USP46: variants seen among roughly 807,000 people sequenced by gnomAD.
USP46 encodes ubiquitin carboxyl-terminal hydrolase 46.
USP46 carries 12 observed loss-of-function variants against 44.4 expected under a neutral mutation model. The ratio of observed to expected loss-of-function variants is 0.27; its 90% CI spans 0.17 to 0.44. The LOEUF is 0.44. USP46 is among the 20% of genes least tolerant of loss of function. The pLI is 1.00. For synonymous variants in USP46, 155 were observed against 161.5 expected, an observed-to-expected ratio of 0.96 and a Z score of 0.31; for missense variants, 248 against 444.8, an observed-to-expected ratio of 0.56 and a Z score of 3.98.
chr4:52,658,537 C>T (rs969892201), intron 1 of USP46, among the ~76,000 whole-genome samples: 4 of 152,208 alleles, frequency 2.6e-5, no homozygotes, highest in African/African-American at 9.6e-5. Flanking sequence ...CTGAGGCATG[C>T]GGAGCAAATT....
intron 5 of USP46, among the ~76,000 whole-genome samples, chr4:52,607,862 G>A (rs1048597503): frequency 6.6e-6 from 1 of 152,196 alleles, no homozygotes; most frequent in African/African-American, 2.4e-5. Context: ...CCAAGCAGAT[G>A]CCAGCACCAA....
intron 4 of USP46, among the ~76,000 whole-genome samples, chr4:52,611,896 A>T (rs1716945751): frequency 6.6e-6 from 1 of 152,122 alleles, no homozygotes; most frequent in African/African-American, 2.4e-5. Flanking sequence ...TCTCAAAAAA[A>T]AAAGTACACA....
intron 6 of USP46, among the ~76,000 whole-genome samples, chr4:52,602,541 C>G (rs1199375323): frequency 6.6e-6 from 1 of 152,152 alleles, no homozygotes. Context: ...ATCGGGACAC[C>G]AAGCGTGCCA....
At chr4:52,634,123 T>TC (rs1328609030) in intron 1 of USP46, among the ~76,000 whole-genome samples, 1 of 151,812 alleles carries the variant, frequency 6.6e-6, no homozygotes, top group East Asian at 1.9e-4. Context: ...TTTTTTCTTT[T>TC]TTTTTTTTTG....
At chr4:52,644,575 T>C (rs1718468126) in intron 1 of USP46, among the ~76,000 whole-genome samples, 1 of 151,936 alleles carries the variant, frequency 6.6e-6, no homozygotes. Context: ...GGGATCTAGG[T>C]TGCATACTCC....
Position 52,595,218 on chromosome 4 carries a change from G to A in USP46, c.*2422C>T. 6.6e-6 allele frequency: 1 copy of A among 152,528 alleles called. No individual in the cohort carries two copies. The highest frequency in any genetic ancestry group is 2.1e-4 in the South Asian group (1 of 4,822). 9.4% of individuals were successfully genotyped at this position (152,528 alleles called of 1,614,324 possible). On this transcript the variant is annotated 3_prime_UTR_variant, in exon 9 of 9. Transcript: ENST00000441222. ...TCTCACATCTCCCACACCATTTCCTGCTTTACACTGTGAATGAGGGATGTA... is the reference window on the plus strand; with the variant it reads ...TCTCACATCTCCCACACCATTTCCTACTTTACACTGTGAATGAGGGATGTA...
rs551024210 is a variant in USP46, at chr4:52,631,039, A to T, written c.117+25T>A. On this transcript the variant is annotated intron_variant, in intron 2 of 8. Transcript: ENST00000441222. ...TTCATATACCCTAAAACATTTGATGAAAATAATACATTTTACATACTTACA... is the reference window on the plus strand; with the variant it reads ...TTCATATACCCTAAAACATTTGATGTAAATAATACATTTTACATACTTACA... The T allele has an allele frequency of 5.8e-6, 9 of 1,541,944 alleles. No homozygotes were observed. The East Asian group carries it at 2.2e-4, about 37-fold the overall frequency.
At chr4:52,632,083 G>T (rs1382699966) in intron 1 of USP46, among the ~76,000 whole-genome samples, 1 of 151,926 alleles carries the variant, frequency 6.6e-6, no homozygotes, top group East Asian at 1.9e-4. Context: ...GGTAAGTGAG[G>T]TAAGTACTAC....
intron 1 of USP46, 112 bp from the exon 2 acceptor site, chr4:52,631,256 T>C (rs1050565116): frequency 1.3e-6 from 1 of 746,108 alleles, no homozygotes; most frequent in Non-Finnish European, 2.1e-6. Context: ...CAACACGGTA[T>C]TTGTTGATGT....
rs573684437 is a variant in USP46, at chr4:52,623,906, C to T, written c.561+2112G>A. ...CTGTACTCCAGCCTAGGCAGCAGAG[C>T]GAGATTCTGTTTCAAAAAAAATTAA... is the stretch of plus-strand genomic sequence containing the variant. On this transcript the variant is annotated intron_variant, in intron 4 of 8. Transcript: ENST00000441222. Among the ~76,000 whole-genome samples the T allele has an allele frequency of 3.3e-5, 5 of 151,556 alleles. No homozygotes were observed. The East Asian group carries it at 7.7e-4, about 23-fold the overall frequency.
chr4:52,634,680 C>T (rs942743113), intron 1 of USP46, among the ~76,000 whole-genome samples: 1 of 152,100 alleles, frequency 6.6e-6, no homozygotes, highest in African/African-American at 2.4e-5. Flanking sequence ...CTGCCTCGGC[C>T]TCCCAAAGTG....
intron 1 of USP46, among the ~76,000 whole-genome samples, chr4:52,649,656 C>T (rs1459931606): frequency 6.6e-6 from 1 of 152,228 alleles, no homozygotes; most frequent in Non-Finnish European, 1.5e-5. Flanking sequence ...AAATTGGAGG[C>T]ATACTGCTTT....
At chr4:52,632,474 T>A (rs952204541) in intron 1 of USP46, among the ~76,000 whole-genome samples, 4 of 152,148 alleles carry the variant, frequency 2.6e-5, no homozygotes, top group African/African-American at 9.7e-5. Flanking sequence ...CATGGAAGAC[T>A]AACAGCTCAC....
intron 1 of USP46, chr4:52,658,097 G>A (rs1560417249): frequency 4.8e-6 from 2 of 414,324 alleles, no homozygotes; most frequent in Non-Finnish European, 9.8e-6. Context: ...GTTGCCTCCG[G>A]GGACCCGCTT....
At chr4:52,598,395 C>T (rs533205506) in intron 8 of USP46, among the ~76,000 whole-genome samples, 146 of 152,254 alleles carry the variant, frequency 9.6e-4, no homozygotes, top group African/African-American at 3.4e-3. Context: ...AGAGAGATCC[C>T]ATGTCTATGG....
intron 1 of USP46, among the ~76,000 whole-genome samples, chr4:52,644,862 C>A (rs1247707891): frequency 1.3e-5 from 2 of 152,008 alleles, no homozygotes; most frequent in African/African-American, 4.8e-5. Context: ...TTGAGACCAG[C>A]CTAACCAATA....
At chr4:52,637,975 G>A (rs1456278032) in intron 1 of USP46, among the ~76,000 whole-genome samples, 1 of 152,094 alleles carries the variant, frequency 6.6e-6, no homozygotes, top group Non-Finnish European at 1.5e-5. Flanking sequence ...CAGCTCCCAG[G>A]AGAATTCTAC....
At chr4:52,638,448 T>C (rs1183096281) in intron 1 of USP46, among the ~76,000 whole-genome samples, 1 of 152,018 alleles carries the variant, frequency 6.6e-6, no homozygotes, top group African/African-American at 2.4e-5. Flanking sequence ...TAAGATAATA[T>C]ATTTTTGTCT....
chr4:52,635,729 C>G (rs959160321), intron 1 of USP46, among the ~76,000 whole-genome samples: 3 of 152,118 alleles, frequency 2.0e-5, no homozygotes, highest in Non-Finnish European at 2.9e-5. Context: ...ATACACACAC[C>G]CACACTGCCC....
Sources: gnomAD v4.1 joint callset for allele counts (sites outside exome capture counted in the v4.1 genomes callset) on GRCh38, gnomAD v4.1.1 for gene constraint, MANE v1.5 for transcripts, NCBI Gene and HGNC (gene_info 2026-07-23, HGNC 2026-07-21) for gene names.